SLC39A11: variants seen among roughly 807,000 people sequenced by gnomAD.
SLC39A11 encodes solute carrier family 39 member 11.
SLC39A11 carries 33 observed loss-of-function variants against 36.1 expected under a neutral mutation model. The ratio of observed to expected loss-of-function variants is 0.91; its 90% confidence interval spans 0.69 to 1.22. The LOEUF (loss-of-function observed/expected upper bound fraction) is 1.22. Among genes scored for constraint, SLC39A11 ranks in the 50% most tolerant of loss-of-function variants. The pLI is 0.00. For missense variants in SLC39A11, 432 were observed against 430.3 expected, an observed-to-expected ratio of 1.00 and a Z score of -0.03; for synonymous variants, 166 against 170.3, an observed-to-expected ratio of 0.97 and a Z score of 0.20.
chr17:72,882,986 G>A (rs1019723741), intron 5 of SLC39A11, among the ~76,000 whole-genome samples: 1 of 151,868 alleles, frequency 6.6e-6, no homozygotes, highest in African/African-American at 2.4e-5. Flanking sequence ...TAGTAGAGAT[G>A]GGGTTTCATC....
At chr17:73,024,864 A>ATTTTTT (rs1163840820) in intron 4 of SLC39A11, among the ~76,000 whole-genome samples, 6 of 97,868 alleles carry the variant, frequency 6.1e-5, no homozygotes, top group African/African-American at 7.7e-5. Context: ...TGCCCAGCTA[A>ATTTTTT]TTTTTTTTTT....
At position 72,879,805 on chromosome 17, in the gene SLC39A11, G is replaced by A. The variant is rs112570764; in HGVS notation, c.431-30001C>T. Reference sequence around the variant, plus strand: ...ACCTTTTTACCCAAGAATTGCTTCAGGAATTCAGAAATTCCAGTGAAACTG... The same window carrying A: ...ACCTTTTTACCCAAGAATTGCTTCAAGAATTCAGAAATTCCAGTGAAACTG... On this transcript the variant is annotated intron_variant, in intron 5 of 9. Coordinates refer to ENST00000255559, the MANE Select transcript of SLC39A11 (RefSeq NM_139177.4). Among the ~76,000 whole-genome samples, 4 of 152,288 alleles carry A rather than the reference G, an allele frequency of 2.6e-5. 1 individual carries two copies. Among genetic ancestry groups the A allele is most frequent in the African/African-American group, 9.6e-5 (4 of 41,558 alleles).
At chr17:72,859,531 G>A (rs2079840483) in intron 5 of SLC39A11, among the ~76,000 whole-genome samples, 1 of 151,978 alleles carries the variant, frequency 6.6e-6, no homozygotes, top group Non-Finnish European at 1.5e-5. Flanking sequence ...GCAGGGACAA[G>A]GGAGACCAGG....
chr17:72,673,895 C>A (rs1433235724), intron 7 of SLC39A11, among the ~76,000 whole-genome samples: 1 of 152,078 alleles, frequency 6.6e-6, no homozygotes, highest in African/African-American at 2.4e-5. Context: ...TAGTAAAATA[C>A]TGTCTCTACT....
At chr17:72,676,882 C>G (rs1175216785) in intron 7 of SLC39A11, among the ~76,000 whole-genome samples, 1 of 152,192 alleles carries the variant, frequency 6.6e-6, no homozygotes, top group Non-Finnish European at 1.5e-5. Context: ...GCCGTCCCAC[C>G]TCACTGTTGG....
In SLC39A11 at chr17:72,796,843, T is replaced by C. The variant is rs145419527; in HGVS notation, c.601+52791A>G. ...GCTCGATACTGTGAAGTGCTAAGTA[T>C]GCAAGAAGATGTGACAACCCAGCCC... On this transcript the variant is annotated intron_variant, in intron 6 of 9. Coordinates refer to ENST00000255559, the MANE Select transcript of SLC39A11 (RefSeq NM_139177.4). Among the ~76,000 whole-genome samples the C allele has an allele frequency of 2.6e-5, 4 of 152,276 alleles. No homozygotes were observed. In the East Asian group the frequency reaches 7.7e-4, roughly 29 times the overall value.
Position 73,089,132 on chromosome 17 carries a change from A to C in SLC39A11, c.-11-357T>G, listed in dbSNP as rs114796918. 6.4e-3 allele frequency among the ~76,000 whole-genome samples: 973 copies of C among 152,182 alleles called. 7 individuals are homozygous for C. The highest frequency in any genetic ancestry group is 0.022 in the African/African-American group (931 of 41,496). On this transcript the variant is annotated intron_variant, in intron 1 of 9. Coordinates refer to ENST00000255559, the MANE Select transcript of SLC39A11 (RefSeq NM_139177.4). Reference sequence around the variant, plus strand: ...GGTCTGATGCAGCCTCCCCCACATAATCTGCCTCTTCTACCGTCTCTTGCC... The same window carrying C: ...GGTCTGATGCAGCCTCCCCCACATACTCTGCCTCTTCTACCGTCTCTTGCC...
At chr17:73,006,082 G>A (rs2148450393) in intron 4 of SLC39A11, among the ~76,000 whole-genome samples, 1 of 152,236 alleles carries the variant, frequency 6.6e-6, no homozygotes, top group East Asian at 1.9e-4. Flanking sequence ...GTGAGTCATT[G>A]TCACGACATG....
At chr17:72,981,685 A>G (rs1197626521) in intron 4 of SLC39A11, among the ~76,000 whole-genome samples, 1 of 152,114 alleles carries the variant, frequency 6.6e-6, no homozygotes, top group East Asian at 1.9e-4. Flanking sequence ...AGTATGAATC[A>G]AAAAAGACTA....
intron 7 of SLC39A11, among the ~76,000 whole-genome samples, chr17:72,660,780 G>C (rs1472804837): frequency 2.0e-5 from 3 of 152,056 alleles, no homozygotes; most frequent in African/African-American, 7.3e-5. Context: ...TCCTTGTTGT[G>C]GGGGCCTGGT....
At chr17:72,906,114 G>A (rs1018243304) in intron 5 of SLC39A11, among the ~76,000 whole-genome samples, 4 of 152,174 alleles carry the variant, frequency 2.6e-5, no homozygotes, top group African/African-American at 9.7e-5. Context: ...AGAGCAAAAG[G>A]GCCAGAATGA....
chr17:72,899,333 A>G (rs750436465), intron 5 of SLC39A11, among the ~76,000 whole-genome samples: 2 of 151,606 alleles, frequency 1.3e-5, no homozygotes, highest in Non-Finnish European at 2.9e-5. Flanking sequence ...AAACCCAACT[A>G]CAGACTGAAG....
intron 7 of SLC39A11, among the ~76,000 whole-genome samples, chr17:72,694,781 G>A (rs2072210144): frequency 6.6e-6 from 1 of 152,222 alleles, no homozygotes; most frequent in Admixed American, 6.5e-5. Context: ...ACCTGGGGCT[G>A]GGGTCTGCTG....
intron 6 of SLC39A11, among the ~76,000 whole-genome samples, chr17:72,836,902 T>C (rs1375194988): frequency 6.6e-6 from 1 of 152,166 alleles, no homozygotes; most frequent in Non-Finnish European, 1.5e-5. Context: ...AGCAGAGCAA[T>C]GTGAAGCAGA....
intron 5 of SLC39A11, among the ~76,000 whole-genome samples, chr17:72,897,052 C>CAAAAAAAAAAAAAAAAAAAAA (rs10656675): frequency 1.6e-5 from 1 of 64,178 alleles, no homozygotes; most frequent in African/African-American, 8.1e-5. Context: ...GACTCTGTCT[C>CAAAAAAAAAAAAAAAAAAAAA]AAAAAAAAAA....
intron 5 of SLC39A11, among the ~76,000 whole-genome samples, chr17:72,906,385 T>A (rs1254974073): frequency 6.6e-6 from 1 of 152,258 alleles, no homozygotes; most frequent in Non-Finnish European, 1.5e-5. Context: ...AGGACACCTG[T>A]GCCTTTGCAG....
intron 5 of SLC39A11, among the ~76,000 whole-genome samples, chr17:72,938,605 C>A (rs1484129502): frequency 6.6e-6 from 1 of 152,168 alleles, no homozygotes; most frequent in African/African-American, 2.4e-5. Flanking sequence ...TGCTGCAAAA[C>A]AAAGCAAAAT....
At chr17:72,671,751 C>G (rs946093878) in intron 7 of SLC39A11, among the ~76,000 whole-genome samples, 1 of 152,076 alleles carries the variant, frequency 6.6e-6, no homozygotes, top group African/African-American at 2.4e-5. Flanking sequence ...GTTTCTATAG[C>G]TATTTACTTC....
intron 6 of SLC39A11, among the ~76,000 whole-genome samples, chr17:72,833,923 T>C (rs16977411): frequency 0.015 from 2,326 of 152,302 alleles, 49 homozygotes; most frequent in African/African-American, 0.053. Context: ...CTCTGCAGCA[T>C]CCTGAATTTA....
Sources: allele counts gnomAD v4.1 joint callset (sites outside exome capture counted in the v4.1 genomes callset), GRCh38; gene constraint gnomAD v4.1.1; transcripts MANE v1.5; gene names NCBI Gene and HGNC (gene_info 2026-07-23, HGNC 2026-07-21).